Variants in LRRC4C observed in about 807,000 individuals in gnomAD.
The protein encoded by LRRC4C is leucine rich repeat containing 4C, also known as leucine-rich repeat-containing protein 4C.
In LRRC4C, 5 loss-of-function variants were observed where a neutral mutation model predicts 33.6. The observed-to-expected ratio is 0.15, with a 90% confidence interval of 0.08 to 0.31. The LOEUF is 0.31. Among genes scored for constraint, LRRC4C ranks in the 10% least tolerant of loss-of-function variants. The pLI, the probability that LRRC4C is intolerant of heterozygous loss-of-function variation, is 1.00. For synonymous variants in LRRC4C, 329 were observed against 302.0 expected, an observed-to-expected ratio of 1.09 and a Z score of -0.93; for missense variants, 560 against 796.7, an observed-to-expected ratio of 0.70 and a Z score of 3.58.
rs114291661 is a variant in LRRC4C at position 40,632,581 on chromosome 11, G to A, written c.-270+15561C>T. Among the ~76,000 whole-genome samples, 343 of 152,316 alleles carry A rather than the reference G, an allele frequency of 2.3e-3. 1 individual carries two copies. The highest frequency in any genetic ancestry group is 8.0e-3 in the African/African-American group (334 of 41,568). ...GGGGACATAGATGAGAAGACACTCT[G>A]CATTTTAAATGTAGCTTTAAATACT... On this transcript the variant is annotated intron_variant, in intron 3 of 6. Coordinates refer to ENST00000528697, the MANE Select transcript of LRRC4C (RefSeq NM_001258419.2).
At chr11:41,273,873 T>C (rs903793877) in intron 1 of LRRC4C, among the ~76,000 whole-genome samples, 4 of 152,192 alleles carry the variant, frequency 2.6e-5, no homozygotes, top group Admixed American at 6.5e-5. Flanking sequence ...ATACATTAAA[T>C]ATGTGCATTT....
At chr11:41,185,150 T>C (rs114282795) in intron 1 of LRRC4C, among the ~76,000 whole-genome samples, 260 of 152,300 alleles carry the variant, frequency 1.7e-3, no homozygotes, top group African/African-American at 5.9e-3. Context: ...ACCATATCAA[T>C]TATATATGTA....
intron 2 of LRRC4C, among the ~76,000 whole-genome samples, chr11:40,656,461 G>A (rs1004368971): frequency 7.0e-6 from 1 of 142,142 alleles, no homozygotes; most frequent in Non-Finnish European, 1.5e-5. Context: ...TTGTATTACA[G>A]AAGTGGGTCA....
At chr11:41,293,373 A>G (rs1950044943) in intron 1 of LRRC4C, among the ~76,000 whole-genome samples, 1 of 152,086 alleles carries the variant, frequency 6.6e-6, no homozygotes, top group African/African-American at 2.4e-5. Flanking sequence ...TATAAAATAT[A>G]CATAGATATA....
intron 2 of LRRC4C, among the ~76,000 whole-genome samples, chr11:40,767,521 C>A (rs1393140273): frequency 1.3e-5 from 2 of 152,072 alleles, no homozygotes; most frequent in African/African-American, 4.8e-5. Context: ...GAGGAATATA[C>A]ATACTTTTCA....
intron 3 of LRRC4C, among the ~76,000 whole-genome samples, chr11:40,579,829 C>T (rs1958386991): frequency 6.6e-6 from 1 of 152,174 alleles, no homozygotes; most frequent in South Asian, 2.1e-4. Context: ...TTTGCCCTGT[C>T]ACCCAGGCTG....
chr11:40,919,869 G>T (rs1393165506), intron 2 of LRRC4C, among the ~76,000 whole-genome samples: 1 of 151,730 alleles, frequency 6.6e-6, no homozygotes, highest in African/African-American at 2.4e-5. Flanking sequence ...TCTTTGCAAG[G>T]CATAAAAAAA....
intron 2 of LRRC4C, among the ~76,000 whole-genome samples, chr11:40,652,139 T>C (rs544823505): frequency 6.6e-6 from 1 of 152,328 alleles, no homozygotes; most frequent in South Asian, 2.1e-4. Flanking sequence ...TTAGGTACTA[T>C]GCTAGATGCC....
intron 1 of LRRC4C, among the ~76,000 whole-genome samples, chr11:41,175,300 C>T (rs1422455031): frequency 2.0e-5 from 3 of 152,136 alleles, no homozygotes; most frequent in Non-Finnish European, 4.4e-5. Context: ...CTATTTTATA[C>T]ACCTATTGAT....
At chr11:40,366,085 T>G (rs71482202) in intron 3 of LRRC4C, among the ~76,000 whole-genome samples, 4,139 of 148,398 alleles carry the variant, frequency 0.028, 91 homozygotes, top group Non-Finnish European at 0.044. Flanking sequence ...TTTTTAAAAC[T>G]GTGTTTTGTT....
chr11:40,295,646 T>G (rs1249607728), intron 4 of LRRC4C, among the ~76,000 whole-genome samples: 1 of 152,232 alleles, frequency 6.6e-6, no homozygotes, highest in Non-Finnish European at 1.5e-5. Flanking sequence ...ACTGAGAGCA[T>G]GCTGTAACGT....
At chr11:40,281,999 A>G (rs1943508837) in intron 4 of LRRC4C, among the ~76,000 whole-genome samples, 1 of 152,200 alleles carries the variant, frequency 6.6e-6, no homozygotes, top group Non-Finnish European at 1.5e-5. Flanking sequence ...CCCTCCCAAG[A>G]AGTTGTCTTG....
At chr11:41,249,206 T>C (rs1401205518) in intron 1 of LRRC4C, among the ~76,000 whole-genome samples, 1 of 152,078 alleles carries the variant, frequency 6.6e-6, no homozygotes, top group East Asian at 1.9e-4. Context: ...GGCTAATTTT[T>C]TGTATTTTTA....
At chr11:40,837,058 T>C (rs538683657) in intron 2 of LRRC4C, among the ~76,000 whole-genome samples, 4 of 152,294 alleles carry the variant, frequency 2.6e-5, no homozygotes, top group African/African-American at 9.6e-5. Context: ...TTTGTTTGTA[T>C]TGGACATTTT....
chr11:40,927,266 CAGGAGGCTG>C (rs1229017445), intron 2 of LRRC4C, among the ~76,000 whole-genome samples: 1 of 151,712 alleles, frequency 6.6e-6, no homozygotes, highest in Non-Finnish European at 1.5e-5. Flanking sequence ...CTCAGCTACT[CAGGAGGCTG>C]AAGCAGAAGA....
chr11:41,168,302 G>C lies in LRRC4C; in HGVS notation c.-495-234579C>G, dbSNP rs190803443. 2.7e-3 allele frequency among the ~76,000 whole-genome samples: 412 copies of C among 152,300 alleles called. 3 individuals carry two copies. The highest frequency in any genetic ancestry group is 9.4e-3 in the African/African-American group (392 of 41,560). On this transcript the variant is annotated intron_variant, in intron 1 of 6. Coordinates refer to ENST00000528697, the MANE Select transcript of LRRC4C (RefSeq NM_001258419.2). ...ACTGATGAGCTAGCTAAAGCACAGA[G>C]TTTAATAAACTGGATAACAGCTTAC... is the stretch of plus-strand genomic sequence containing the variant.
chr11:41,390,712 G>A (rs1035990237), intron 1 of LRRC4C, among the ~76,000 whole-genome samples: 2 of 151,752 alleles, frequency 1.3e-5, no homozygotes, highest in Admixed American at 1.3e-4. Context: ...GCAATCCAGT[G>A]TTTGCATGCT....
chr11:41,445,969 T>G (rs1955812797), intron 1 of LRRC4C, among the ~76,000 whole-genome samples: 1 of 151,950 alleles, frequency 6.6e-6, no homozygotes, highest in Non-Finnish European at 1.5e-5. Flanking sequence ...GTTAATCATT[T>G]AGATGACATT....
At chr11:41,208,184 T>C (rs1032311164) in intron 1 of LRRC4C, among the ~76,000 whole-genome samples, 1 of 152,102 alleles carries the variant, frequency 6.6e-6, no homozygotes, top group African/African-American at 2.4e-5. Context: ...AAGGCAATCA[T>C]GTGATAAAGT....
Sources: gnomAD v4.1 joint callset for allele counts (sites outside exome capture counted in the v4.1 genomes callset) on GRCh38, gnomAD v4.1.1 for gene constraint, MANE v1.5 for transcripts, NCBI Gene and HGNC (gene_info 2026-07-23, HGNC 2026-07-21) for gene names.